Variants in POU2F1 observed in about 807,000 individuals in gnomAD.
POU2F1 encodes POU domain, class 2, transcription factor 1.
Under a neutral mutation model 84.9 loss-of-function variants are expected in POU2F1, and 16 were observed. The observed-to-expected ratio is 0.19, with a 90% CI of 0.13 to 0.29. The LOEUF (loss-of-function observed/expected upper bound fraction) is 0.29. POU2F1 is among the 10% of genes least tolerant of loss of function. The pLI is 1.00. For synonymous variants in POU2F1, 368 were observed against 368.3 expected, an observed-to-expected ratio of 1.00 and a Z score of 0.01; for missense variants, 738 against 942.6, an observed-to-expected ratio of 0.78 and a Z score of 2.84.
chr1:167,359,543 C>T (rs573858621), intron 2 of POU2F1, among the ~76,000 whole-genome samples: 8 of 152,268 alleles, frequency 5.3e-5, no homozygotes, highest in African/African-American at 1.4e-4. Flanking sequence ...TAGTATTCCA[C>T]GGTGCATATG....
intron 1 of POU2F1, among the ~76,000 whole-genome samples, chr1:167,325,801 A>G (rs755910204): frequency 1.3e-5 from 2 of 151,832 alleles, no homozygotes; most frequent in Non-Finnish European, 2.9e-5. Context: ...AGGCAGGAGA[A>G]TCGCTTGAAA....
At chr1:167,241,961 A>C (rs1446194898) in intron 1 of POU2F1, among the ~76,000 whole-genome samples, 1 of 152,206 alleles carries the variant, frequency 6.6e-6, no homozygotes, top group East Asian at 1.9e-4. Context: ...GTGAGGAAGG[A>C]TTTTTAGAGT....
intron 1 of POU2F1, among the ~76,000 whole-genome samples, chr1:167,291,250 T>C (rs183393101): frequency 6.6e-6 from 1 of 152,322 alleles, no homozygotes; most frequent in East Asian, 1.9e-4. Flanking sequence ...AAGCATTGGA[T>C]TGATCATTGC....
intron 1 of POU2F1, among the ~76,000 whole-genome samples, chr1:167,323,649 C>T (rs1656483613): frequency 6.6e-6 from 1 of 152,076 alleles, no homozygotes; most frequent in Non-Finnish European, 1.5e-5. Flanking sequence ...GTTTGTGCTC[C>T]CAATACTGTT....
At position 167,324,707 on chromosome 1, in the gene POU2F1, G is replaced by T. The variant is rs114310076; in HGVS notation, c.62-7763G>T. On this transcript the variant is annotated intron_variant, in intron 1 of 15. Coordinates refer to ENST00000367866, the MANE Select transcript of POU2F1 (RefSeq NM_002697.4). ...GTTTAGTAGCTATGTGACCCTAAGG[G>T]TCATTAACTAGGCCTCAGTTTACTT... is the stretch of plus-strand genomic sequence containing the variant. Among the ~76,000 whole-genome samples the T allele has an allele frequency of 3.8e-3, 582 of 152,198 alleles. 3 individuals carry two copies. The highest frequency in any genetic ancestry group is 0.013 in the African/African-American group (559 of 41,516).
At chr1:167,253,766 T>C (rs924222568) in intron 1 of POU2F1, among the ~76,000 whole-genome samples, 1 of 152,044 alleles carries the variant, frequency 6.6e-6, no homozygotes, top group Non-Finnish European at 1.5e-5. Context: ...TTATCTTAGG[T>C]CCTCCTTCCC....
intron 1 of POU2F1, among the ~76,000 whole-genome samples, chr1:167,260,806 T>A (rs557184935): frequency 6.6e-6 from 1 of 152,280 alleles, no homozygotes; most frequent in Admixed American, 6.5e-5. Context: ...TTAATTACTT[T>A]GGATAAGAGT....
chr1:167,350,991 T>G (rs2101786305), intron 2 of POU2F1, among the ~76,000 whole-genome samples: 1 of 149,872 alleles, frequency 6.7e-6, no homozygotes, highest in African/African-American at 2.5e-5. Flanking sequence ...AAAGCGAAAC[T>G]CCATCTCAAA....
chr1:167,251,226 C>T lies in POU2F1; in HGVS notation c.61+30268C>T, dbSNP rs138592543. On this transcript the variant is annotated intron_variant, in intron 1 of 15. Coordinates refer to ENST00000367866, the MANE Select transcript of POU2F1 (RefSeq NM_002697.4). ...CCAGCCTGCCCAACATGTGAAACCC[C>T]CATCTCTACAAAAAAATCCAGAAAT... is the stretch of plus-strand genomic sequence containing the variant. 4.0e-3 allele frequency among the ~76,000 whole-genome samples: 595 copies of T among 148,744 alleles called. 3 individuals carry two copies. Among genetic ancestry groups the T allele is most frequent in the African/African-American group, 0.014 (547 of 38,302 alleles).
chr1:167,233,552 G>A lies in POU2F1; in HGVS notation c.61+12594G>A, dbSNP rs939408729. ...TAGGAGCAACAGGCTATACCATATA[G>A]CTTAGGTATGTAGTAGGCTATACCA... On this transcript the variant is annotated intron_variant, in intron 1 of 15. Transcript: ENST00000367866. 4.6e-5 allele frequency among the ~76,000 whole-genome samples: 7 copies of A among 152,190 alleles called. No homozygotes were observed. The South Asian group carries it at 1.4e-3, about 32-fold the overall frequency.
intron 2 of POU2F1, among the ~76,000 whole-genome samples, chr1:167,354,098 T>C (rs549717108): frequency 1.3e-5 from 2 of 152,358 alleles, no homozygotes; most frequent in South Asian, 2.1e-4. Context: ...TTAGTACATA[T>C]ACCTATAATT....
At chr1:167,305,154 T>C (rs911154925) in intron 1 of POU2F1, among the ~76,000 whole-genome samples, 3 of 152,038 alleles carry the variant, frequency 2.0e-5, no homozygotes, top group Non-Finnish European at 4.4e-5. Context: ...ACCACCTGGC[T>C]GGCCAAAAGA....
chr1:167,426,030 G>A lies in POU2F1; in HGVS notation c.*10220G>A, dbSNP rs1051239576. Reference sequence around the variant, plus strand: ...TTTAATCTCAGTTGGTTGGGGGAGGGGGGTACTTGGTTCTTGGGTCACACA... The same window carrying A: ...TTTAATCTCAGTTGGTTGGGGGAGGAGGGTACTTGGTTCTTGGGTCACACA... On this transcript the variant is annotated 3_prime_UTR_variant, in exon 16 of 16. Transcript: ENST00000367866. 1 of 139,062 alleles carries A rather than the reference G, an allele frequency of 7.2e-6. No homozygotes were observed. The highest frequency in any genetic ancestry group is 1.6e-5 in the Non-Finnish European group (1 of 64,188). 8.6% of individuals were successfully genotyped at this position (139,062 alleles called of 1,614,324 possible). A position where few individuals can be genotyped will look rare whatever the true frequency, so the allele number is the denominator to read the frequency against.
intron 2 of POU2F1, among the ~76,000 whole-genome samples, chr1:167,340,326 C>T (rs1657751779): frequency 6.6e-6 from 1 of 152,168 alleles, no homozygotes; most frequent in Non-Finnish European, 1.5e-5. Flanking sequence ...GTGATCCGCC[C>T]ACCTTGGCTT....
intron 15 of POU2F1, chr1:167,414,422 G>T: frequency 2.0e-6 from 2 of 985,382 alleles, no homozygotes; most frequent in Non-Finnish European, 2.4e-6. Context: ...CTATTTGTAT[G>T]AGCAAGGCCA....
At chr1:167,376,206 A>C in intron 7 of POU2F1, 51 bp downstream of exon 7, 1 of 1,570,464 alleles carries the variant, frequency 6.4e-7, no homozygotes, top group Non-Finnish European at 8.7e-7. Context: ...TGTTCGCTGA[A>C]TGTTACACAT....
chr1:167,285,664 G>A (rs1280733898), intron 1 of POU2F1, among the ~76,000 whole-genome samples: 1 of 152,068 alleles, frequency 6.6e-6, no homozygotes, highest in Non-Finnish European at 1.5e-5. Context: ...AGGGATATCA[G>A]AGTTCAAGCC....
At chr1:167,237,772 A>ATTTT (rs1216931950) in intron 1 of POU2F1, among the ~76,000 whole-genome samples, 9 of 29,934 alleles carry the variant, frequency 3.0e-4, no homozygotes, top group African/African-American at 1.2e-3. Flanking sequence ...ATATATATAT[A>ATTTT]TTTTTTTTTT....
rs114662929 is a variant in POU2F1 at position 167,410,552 on chromosome 1, G to A, written c.1556-1407G>A. ...ATTATTTTTAACGGAGTCTTACTTC[G>A]TCACCCAGACTGGAGTGTAATGGCG... On this transcript the variant is annotated intron_variant, in intron 13 of 15. Transcript: ENST00000367866. 2.7e-3 allele frequency among the ~76,000 whole-genome samples: 408 copies of A among 150,904 alleles called. 1 individual carries two copies. The highest frequency in any genetic ancestry group is 8.2e-3 in the African/African-American group (340 of 41,232).
Sources: allele counts gnomAD v4.1 joint callset (sites outside exome capture counted in the v4.1 genomes callset), GRCh38; gene constraint gnomAD v4.1.1; transcripts MANE v1.5; gene names NCBI Gene and HGNC (gene_info 2026-07-23, HGNC 2026-07-21).